The following PTBP3 variants were observed in gnomAD, a reference collection of about 807,000 sequenced individuals.
PTBP3 encodes polypyrimidine tract-binding protein 3.
A neutral mutation model predicts 58.7 loss-of-function variants in PTBP3; 20 were observed. The observed-to-expected ratio is 0.34, with a 90% confidence interval of 0.24 to 0.50. PTBP3 has a LOEUF of 0.50. PTBP3 is among the 20% of genes least tolerant of loss of function. The probability of loss-of-function intolerance (pLI) is 0.98; values close to 1 mark genes in which losing one functional copy is unlikely to be tolerated. For missense variants in PTBP3, 509 were observed against 637.2 expected, an observed-to-expected ratio of 0.80 and a Z score of 2.17; for synonymous variants, 185 against 219.8, an observed-to-expected ratio of 0.84 and a Z score of 1.40.
intron 3 of PTBP3, among the ~76,000 whole-genome samples, chr9:112,269,864 A>G (rs1385617353): frequency 6.6e-6 from 1 of 152,078 alleles, no homozygotes; most frequent in Admixed American, 6.5e-5. Flanking sequence ...TGCCTTTTTA[A>G]GTGTTTCTAG....
At chr9:112,330,218 A>G (rs1363114556) in intron 1 of PTBP3, among the ~76,000 whole-genome samples, 2 of 152,192 alleles carry the variant, frequency 1.3e-5, no homozygotes, top group Non-Finnish European at 2.9e-5. Flanking sequence ...AATTTAAGTG[A>G]AACTTTGGGC....
At chr9:112,258,186 A>C (rs1450108739) in intron 5 of PTBP3, among the ~76,000 whole-genome samples, 5 of 152,212 alleles carry the variant, frequency 3.3e-5, no homozygotes, top group Non-Finnish European at 7.3e-5. Flanking sequence ...TCTATTGGAC[A>C]CTCAAAAACC....
At chr9:112,229,254 C>T (rs932312841) in intron 10 of PTBP3, among the ~76,000 whole-genome samples, 1 of 152,090 alleles carries the variant, frequency 6.6e-6, no homozygotes, top group African/African-American at 2.4e-5. Flanking sequence ...TACAGAGTAT[C>T]ATCAATATTA....
chr9:112,359,073 G>T, the PTBP3 span, among the ~76,000 whole-genome samples: 1 of 152,260 alleles, frequency 6.6e-6, no homozygotes, highest in East Asian at 1.9e-4. Flanking sequence ...AGGACTCAGG[G>T]AATCTCCCAT....
intron 7 of PTBP3, among the ~76,000 whole-genome samples, chr9:112,248,883 C>T (rs1237216749): frequency 1.3e-5 from 2 of 152,028 alleles, no homozygotes; most frequent in Non-Finnish European, 2.9e-5. Flanking sequence ...GATAAACAAA[C>T]CATGATCTAT....
intron 2 of PTBP3, among the ~76,000 whole-genome samples, chr9:112,280,652 T>C (rs1827816310): frequency 6.6e-6 from 1 of 152,170 alleles, no homozygotes; most frequent in African/African-American, 2.4e-5. Flanking sequence ...GATTTTACCT[T>C]GTATTCTGTC....
chr9:112,293,828 G>C (rs1426363277), intron 2 of PTBP3, among the ~76,000 whole-genome samples: 1 of 152,150 alleles, frequency 6.6e-6, no homozygotes, highest in African/African-American at 2.4e-5. Flanking sequence ...TAGTCGTGTT[G>C]AGGATAAAAG....
At chr9:112,290,737 C>CACACAA (rs1455955448) in intron 2 of PTBP3, among the ~76,000 whole-genome samples, 4 of 146,986 alleles carry the variant, frequency 2.7e-5, no homozygotes, top group African/African-American at 1.0e-4. Context: ...CACACACACA[C>CACACAA]AATCAAGTGT....
At chr9:112,218,003 G>A (rs1834679463), downstream of PTBP3, 1 of 152,178 alleles carries the variant, frequency 6.6e-6, no homozygotes, top group Non-Finnish European at 1.5e-5. Context: ...CACACCTTGT[G>A]TCTCAAAGTG....
At chr9:112,343,362 C>G in the PTBP3 span, among the ~76,000 whole-genome samples, 2 of 151,984 alleles carry the variant, frequency 1.3e-5, no homozygotes, top group East Asian at 3.9e-4. Context: ...GTGCCTGCCA[C>G]CACACCCGGC....
rs933922418 is a variant in PTBP3, at chr9:112,333,027, G to C, written c.-52+443C>G. The C allele has an allele frequency of 2.4e-6, 3 of 1,272,432 alleles. No homozygotes were observed. The African/African-American group carries it at 4.7e-5, about 20-fold the overall frequency. The allele number at this position is 1,272,432 out of a possible 1,614,324, so 78.8% of individuals were successfully genotyped here. On this transcript the variant is annotated intron_variant, in intron 1 of 13. Coordinates refer to ENST00000374257, the MANE Select transcript of PTBP3 (RefSeq NM_001163788.4). ...CGCCGTCGGCCGCTCGCCCCACCTCGCCGGTAAACAGCAACTCCCCCGGCA... is the reference window on the plus strand; with the variant it reads ...CGCCGTCGGCCGCTCGCCCCACCTCCCCGGTAAACAGCAACTCCCCCGGCA...
Position 112,328,604 on chromosome 9 carries a change from A to G in PTBP3, c.-52+4866T>C, listed in dbSNP as rs966873733. Among the ~76,000 whole-genome samples, 35 of 152,270 alleles carry G rather than the reference A, an allele frequency of 2.3e-4. 1 individual carries two copies. The highest frequency in any genetic ancestry group is 1.9e-4 in the Non-Finnish European group (13 of 68,006). On this transcript the variant is annotated intron_variant, in intron 1 of 13. Coordinates refer to ENST00000374257, the MANE Select transcript of PTBP3 (RefSeq NM_001163788.4). ...AATCCCAGCACTTTGAGAGGCCAAG[A>G]GTTTGAGACCAGCCTGGGCAACACA...
intron 1 of PTBP3, among the ~76,000 whole-genome samples, chr9:112,321,059 T>C (rs1466556999): frequency 6.6e-6 from 1 of 151,930 alleles, no homozygotes; most frequent in East Asian, 1.9e-4. Flanking sequence ...AAAGACACCA[T>C]TAAGGAATGA....
chr9:112,233,775 A>G (rs1564393431), intron 8 of PTBP3, among the ~76,000 whole-genome samples: 1 of 152,134 alleles, frequency 6.6e-6, no homozygotes, highest in Non-Finnish European at 1.5e-5. Context: ...TACTAAAAAT[A>G]CAAAAATTAG....
chr9:112,301,434 G>A (rs1380174730), intron 1 of PTBP3, among the ~76,000 whole-genome samples: 1 of 139,046 alleles, frequency 7.2e-6, no homozygotes, highest in Non-Finnish European at 1.5e-5. Flanking sequence ...CTGGAAAGTA[G>A]TTTGGTGTTT....
rs113276685 is a variant in PTBP3, at chr9:112,327,288, G to A, written c.-52+6182C>T. Among the ~76,000 whole-genome samples the A allele has an allele frequency of 9.1e-3, 1,378 of 152,188 alleles. 27 individuals carry two copies. Among genetic ancestry groups the A allele is most frequent in the African/African-American group, 0.031 (1,303 of 41,512 alleles). On this transcript the variant is annotated intron_variant, in intron 1 of 13. Coordinates refer to ENST00000374257, the MANE Select transcript of PTBP3 (RefSeq NM_001163788.4). Reference sequence around the variant, plus strand: ...ATATAAAAATTACATGAAGAAGGCCGGGCACAGTGGCTCACGCCTGTAATC... The same window carrying A: ...ATATAAAAATTACATGAAGAAGGCCAGGCACAGTGGCTCACGCCTGTAATC...
Position 112,256,861 on chromosome 9 carries a change from CA to C in PTBP3, c.517-4074del, listed in dbSNP as rs1444004749. 3.2e-5 allele frequency among the ~76,000 whole-genome samples: 3 copies of C among 94,222 alleles called. No individual in the cohort carries two copies. In the East Asian group the frequency reaches 7.7e-4, roughly 24 times the overall value. 61.8% of individuals were successfully genotyped at this position (94,222 alleles called of 152,430 possible). On this transcript the variant is annotated intron_variant, in intron 5 of 13. Coordinates refer to ENST00000374257, the MANE Select transcript of PTBP3 (RefSeq NM_001163788.4). ...TTTTTTTCCCTTTTTTTAAAGCTTT[CA>C]TTTTTTCTTTTTAAAAAAATACTTA... is the stretch of plus-strand genomic sequence containing the variant.
chr9:112,295,233 TCA>T (rs1405418762), intron 2 of PTBP3, among the ~76,000 whole-genome samples: 1 of 141,050 alleles, frequency 7.1e-6, no homozygotes, highest in African/African-American at 2.6e-5. Flanking sequence ...AGAGCAATAC[TCA>T]GTCTCAAAAG....
chr9:112,291,627 T>C (rs542035081), intron 2 of PTBP3, among the ~76,000 whole-genome samples: 1 of 152,280 alleles, frequency 6.6e-6, no homozygotes, highest in Non-Finnish European at 1.5e-5. Flanking sequence ...AAGAACAGTT[T>C]CTTCAACATA....
Sources: allele counts gnomAD v4.1 joint callset (sites outside exome capture counted in the v4.1 genomes callset), GRCh38; gene constraint gnomAD v4.1.1; transcripts MANE v1.5; gene names NCBI Gene and HGNC (gene_info 2026-07-23, HGNC 2026-07-21).